The following CHKA variants were observed in gnomAD, a reference collection of about 807,000 sequenced individuals.
The protein encoded by CHKA is choline kinase alpha, also known as CHETK-alpha.
CHKA carries 34 observed loss-of-function variants against 60.1 expected under a neutral mutation model. The observed-to-expected ratio is 0.57, with a 90% CI of 0.43 to 0.75. The LOEUF is 0.75. Among genes scored for constraint, CHKA ranks in the 30% least tolerant of loss-of-function variants. The pLI is 0.00. For synonymous variants in CHKA, 217 were observed against 223.1 expected (o/e 0.97, Z 0.24); for missense variants, 563 against 561.3 (o/e 1.00, Z -0.03).
At chr11:68,057,731 G>A (rs1565170523) in intron 11 of CHKA, among the ~76,000 whole-genome samples, 1 of 152,166 alleles carries the variant, frequency 6.6e-6, no homozygotes, top group Non-Finnish European at 1.5e-5. Context: ...CACAGAATCA[G>A]GTTCAGTTTT....
chr11:68,085,809 G>A (rs1857159686), intron 2 of CHKA, among the ~76,000 whole-genome samples: 1 of 152,102 alleles, frequency 6.6e-6, no homozygotes, highest in East Asian at 1.9e-4. Flanking sequence ...TGTCACCCAG[G>A]CTAGAGTGCA....
At chr11:68,119,877 T>C (rs899093785) in intron 1 of CHKA, among the ~76,000 whole-genome samples, 6 of 152,170 alleles carry the variant, frequency 3.9e-5, no homozygotes, top group African/African-American at 1.4e-4. Flanking sequence ...TAAGTCTGAA[T>C]ACCTACACGC....
At position 68,097,104 on chromosome 11, in the gene CHKA, T is replaced by C. The variant is rs139911822; in HGVS notation, c.377A>G (p.Gln126Arg). Residue 126 changes from glutamine (Q) to arginine (R), a missense_variant, in exon 2 of 12, where the codon CAG (glutamine) becomes CGG (arginine). Transcript: ENST00000265689. Reference sequence around the variant, plus strand: ...GGCTGTGGTGTCAGGTAGGGAGCACTGGAACAGCATGTTGCTAAGGCCGCC... The same window carrying C: ...GGCTGTGGTGTCAGGTAGGGAGCACCGGAACAGCATGTTGCTAAGGCCGCC... ...IRGGLSNMLF[Q>R]CSLPDTTATL... 1.5e-5 allele frequency: 24 copies of C among 1,613,706 alleles called. 1 individual carries two copies. The highest frequency in any genetic ancestry group is 1.7e-4 in the Middle Eastern group (1 of 6,060).
chr11:68,090,056 C>T (rs1251139678), intron 2 of CHKA, among the ~76,000 whole-genome samples: 1 of 152,098 alleles, frequency 6.6e-6, no homozygotes, highest in East Asian at 1.9e-4. Flanking sequence ...ACATTTAATA[C>T]CAGCAAGACA....
intron 3 of CHKA, 36 bp from the exon 4 acceptor site, chr11:68,074,866 G>A (rs1002198509): frequency 4.2e-5 from 67 of 1,601,256 alleles, no homozygotes; most frequent in Non-Finnish European, 5.6e-5. Context: ...TGTTTACTGA[G>A]TGTTTGCTAA....
rs1054138743 is a variant in CHKA, at chr11:68,120,937, C to A, written c.241G>T (p.Glu81Ter). 3 of 1,186,866 alleles carry A rather than the reference C, an allele frequency of 2.5e-6. No individual in the cohort carries two copies. The highest frequency in any genetic ancestry group is 3.2e-6 in the Non-Finnish European group (3 of 952,324). The allele number at this position is 1,186,866 out of a possible 1,614,324, so 73.5% of individuals were successfully genotyped here. A position where few individuals can be genotyped will look rare whatever the true frequency, so the allele number is the denominator to read the frequency against. Residue 81 changes from glutamate to a stop codon, truncating the protein, a stop_gained, in exon 1 of 12, where the codon GAG becomes TAG. Coordinates refer to ENST00000265689, the MANE Select transcript of CHKA (RefSeq NM_001277.3). LOFTEE classifies it high-confidence loss of function. ...QPPPPQPPAD[E>*]QPEPRTRRRA... ...CGCCGCGTCCGGGGCTCCGGCTGCT[C>A]GTCTGCGGGCGGCTGCGGCGGCGGG...
At position 68,053,757 on chromosome 11, in the gene CHKA, A is replaced by T; in HGVS notation, c.*231T>A. On this transcript the variant is annotated 3_prime_UTR_variant, in exon 12 of 12. Transcript: ENST00000265689. ...GGATTCAGAGATGTTGCACTATTGC[A>T]CTATATTTCTGCTTCCCGATCTCGT... 2.1e-6 allele frequency: 1 copy of T among 485,688 alleles called. No homozygotes were observed. The highest frequency in any genetic ancestry group is 2.0e-5 in the African/African-American group (1 of 51,226). The allele number at this position is 485,688 out of a possible 1,614,324, so 30.1% of individuals were successfully genotyped here. A position where few individuals can be genotyped will look rare whatever the true frequency, so the allele number is the denominator to read the frequency against.
At chr11:68,059,513 A>ATT (rs1322571715) in intron 11 of CHKA, among the ~76,000 whole-genome samples, 1 of 152,222 alleles carries the variant, frequency 6.6e-6, no homozygotes, top group Non-Finnish European at 1.5e-5. Context: ...TTCTTATGGA[A>ATT]TATAAACATT....
At chr11:68,103,102 C>T (rs544243247) in intron 1 of CHKA, among the ~76,000 whole-genome samples, 4 of 152,296 alleles carry the variant, frequency 2.6e-5, no homozygotes, top group Non-Finnish European at 4.4e-5. Flanking sequence ...CACCACTGTA[C>T]TCCAGCCTGG....
At chr11:68,105,282 T>C (rs1459908434) in intron 1 of CHKA, among the ~76,000 whole-genome samples, 4 of 151,624 alleles carry the variant, frequency 2.6e-5, no homozygotes, top group Non-Finnish European at 5.9e-5. Context: ...TTTGGGAGGC[T>C]GAGGCGGGTG....
chr11:68,121,054 C>T lies in CHKA; in HGVS notation c.124G>A (p.Asp42Asn). 8.1e-6 allele frequency: 9 copies of T among 1,106,290 alleles called. No individual in the cohort carries two copies. Among genetic ancestry groups the T allele is most frequent in the Non-Finnish European group, 9.9e-6 (9 of 908,894 alleles). 68.5% of individuals were successfully genotyped at this position (1,106,290 alleles called of 1,614,324 possible). The change falls in exon 1 of 12, where the codon GAC (aspartate) becomes AAC (asparagine). Residue 42 changes from aspartate (D) to asparagine (N), a missense_variant. Coordinates refer to ENST00000265689, the MANE Select transcript of CHKA (RefSeq NM_001277.3). Reference sequence around the variant, plus strand: ...CCGCCCAGCTGCTTGGACTCGAGGTCGCTGGCGGCGTCGCGCTGCTGCCCC... The same window carrying T: ...CCGCCCAGCTGCTTGGACTCGAGGTTGCTGGCGGCGTCGCGCTGCTGCCCC... Reference protein sequence around the residue: ...GVGQQRDAASDLESKQLGGQQ... With the variant: ...GVGQQRDAASNLESKQLGGQQ...
chr11:68,111,881 C>T (rs1858157415), intron 1 of CHKA, among the ~76,000 whole-genome samples: 1 of 151,534 alleles, frequency 6.6e-6, no homozygotes, highest in Non-Finnish European at 1.5e-5. Flanking sequence ...TGAAGAAACC[C>T]CGTCTCTACT....
intron 2 of CHKA, among the ~76,000 whole-genome samples, chr11:68,093,154 C>T (rs1218876456): frequency 1.3e-5 from 2 of 152,020 alleles, no homozygotes; most frequent in Non-Finnish European, 2.9e-5. Flanking sequence ...ACCACAGGCA[C>T]ATGCCACCAC....
rs777498158 is a variant in CHKA, at chr11:68,081,425, A to G, written c.495T>C (p.Ala165=). 22 of 1,613,554 alleles carry G rather than the reference A, an allele frequency of 1.4e-5. 1 individual carries two copies. The Middle Eastern group carries it at 8.2e-4, about 60-fold the overall frequency. Residue 165 remains alanine, a synonymous_variant, in exon 3 of 12, where the codon GCT becomes GCC. Coordinates refer to ENST00000265689, the MANE Select transcript of CHKA (RefSeq NM_001277.3). ...RSCNKEGSEQ[A]QKENEFQGAE... ...TTACTTGAAATTCATTTTCTTTCTG[A>G]GCTTGTTCGGATCCCTCTTTATTAC...
chr11:68,093,705 T>C lies in CHKA; in HGVS notation c.462+3314A>G, dbSNP rs1469977011. Among the ~76,000 whole-genome samples, 7 of 152,212 alleles carry C rather than the reference T, an allele frequency of 4.6e-5. No homozygotes were observed. The East Asian group carries it at 1.3e-3, about 29-fold the overall frequency. On this transcript the variant is annotated intron_variant, in intron 2 of 11. Transcript: ENST00000265689. ...AGACTAACAATTGACAATGAATCTT[T>C]ATTAGAGGAAGGCTAATTGCCAAGT...
chr11:68,116,432 A>G (rs1858384843), intron 1 of CHKA, among the ~76,000 whole-genome samples: 1 of 152,096 alleles, frequency 6.6e-6, no homozygotes, highest in African/African-American at 2.4e-5. Context: ...TTAGCCAGGT[A>G]GCCAGGCGTG....
intron 1 of CHKA, among the ~76,000 whole-genome samples, chr11:68,113,016 A>AG (rs1858225490): frequency 7.5e-6 from 1 of 133,978 alleles, no homozygotes; most frequent in Admixed American, 8.5e-5. Flanking sequence ...CGGGAGACGG[A>AG]GCTTGCAGTG....
rs1015211792 is a variant in CHKA at position 68,087,152 on chromosome 11, C to T, written c.463-5695G>A. Reference sequence around the variant, plus strand: ...TCAATAGCAAAATAAATTGGAAATGCTATTTAAGAAACGAAATCATTATCA... The same window carrying T: ...TCAATAGCAAAATAAATTGGAAATGTTATTTAAGAAACGAAATCATTATCA... On this transcript the variant is annotated intron_variant, in intron 2 of 11. Coordinates refer to ENST00000265689, the MANE Select transcript of CHKA (RefSeq NM_001277.3). 2.0e-5 allele frequency among the ~76,000 whole-genome samples: 3 copies of T among 151,214 alleles called. No individual in the cohort carries two copies. The Admixed American group carries it at 2.0e-4, about 10-fold the overall frequency.
In CHKA at chr11:68,062,023, G is replaced by C. The variant is rs1343894023; in HGVS notation, c.1244C>G (p.Ala415Gly). Residue 415 changes from alanine (A) to glycine (G), a missense_variant, in exon 11 of 12, where the codon GCA becomes GGA. Physicochemically the swap from Ala to Gly is moderately conservative, Grantham distance 60 (BLOSUM62 0). Coordinates refer to ENST00000265689, the MANE Select transcript of CHKA (RefSeq NM_001277.3). The stretch of plus-strand genomic sequence containing the variant: ...CCACAGTCCCCAGAGGAAATGAGAT[G>C]CAAGGGCAAACCTGGAATGATAAAA... The part of the protein sequence containing the change: ...MLLEVNRFAL[A>G]SHFLWGLWSI... 6.3e-7 allele frequency: 1 copy of C among 1,591,622 alleles called. No homozygotes were observed. The highest frequency in any genetic ancestry group is 8.6e-7 in the Non-Finnish European group (1 of 1,167,578).
Sources: allele counts gnomAD v4.1 joint callset (sites outside exome capture counted in the v4.1 genomes callset), GRCh38; gene constraint gnomAD v4.1.1; transcripts MANE v1.5; gene names NCBI Gene and HGNC (gene_info 2026-07-23, HGNC 2026-07-21).